RPS6KA5: variants seen among roughly 807,000 people sequenced by gnomAD.
RPS6KA5 encodes the protein ribosomal protein S6 kinase alpha-5.
RPS6KA5 carries 27 observed loss-of-function variants against 85.5 expected under a neutral mutation model. The ratio of observed to expected loss-of-function variants is 0.32; its 90% CI spans 0.23 to 0.44. The LOEUF (loss-of-function observed/expected upper bound fraction) is 0.44. Among genes scored for constraint, RPS6KA5 ranks in the 20% least tolerant of loss-of-function variants. RPS6KA5 has a pLI of 1.00. For synonymous variants in RPS6KA5, 334 were observed against 348.2 expected (o/e 0.96, Z 0.46); for missense variants, 811 against 980.9 (o/e 0.83, Z 2.31).
intron 1 of RPS6KA5, among the ~76,000 whole-genome samples, chr14:91,021,960 A>C (rs2041801063): frequency 6.6e-6 from 1 of 152,170 alleles, no homozygotes; most frequent in African/African-American, 2.4e-5. Context: ...CTACTGAGGT[A>C]CCTTGCCTTC....
rs573190690 is a variant in RPS6KA5, at chr14:91,059,616, T to C, written c.103+716A>G. Among the ~76,000 whole-genome samples the C allele has an allele frequency of 2.6e-5, 4 of 152,346 alleles. 1 individual carries two copies. The East Asian group carries it at 7.7e-4, about 29-fold the overall frequency. On this transcript the variant is annotated intron_variant, in intron 1 of 16. Transcript: ENST00000614987. Reference sequence around the variant, plus strand: ...AAAGCTTAGGACAACGCTAGTGATCTCAAACATTAGAACGTAAGCGCTGAA... The same window carrying C: ...AAAGCTTAGGACAACGCTAGTGATCCCAAACATTAGAACGTAAGCGCTGAA...
chr14:90,974,765 A>G (rs150085535), intron 3 of RPS6KA5, among the ~76,000 whole-genome samples: 300 of 152,352 alleles, frequency 2.0e-3, no homozygotes, highest in African/African-American at 6.6e-3. Context: ...CCAACTCTCC[A>G]TCTGAACACC....
Position 90,942,910 on chromosome 14 carries a change from C to T in RPS6KA5, c.618+168G>A, listed in dbSNP as rs111545665. Among the ~76,000 whole-genome samples, 734 of 152,218 alleles carry T rather than the reference C, an allele frequency of 4.8e-3. 7 individuals carry two copies. The highest frequency in any genetic ancestry group is 0.016 in the African/African-American group (681 of 41,540). ...AAGGTTTACCGCAATTTTAACAGGA[C>T]GGCTCCATACGAATTTTAAACTAAA... is the stretch of plus-strand genomic sequence containing the variant. On this transcript the variant is annotated intron_variant, in intron 5 of 16. Transcript: ENST00000614987.
chr14:90,871,326 C>A lies in RPS6KA5; in HGVS notation c.*748G>T, dbSNP rs2140132083. On this transcript the variant is annotated 3_prime_UTR_variant, in exon 17 of 17. Coordinates refer to ENST00000614987, the MANE Select transcript of RPS6KA5 (RefSeq NM_004755.4). ...TTTATTCATACTTTTTTATAAAGTG[C>A]AATATTACTTAAAACAGAGAGACAT... The A allele has an allele frequency of 6.6e-6, 1 of 152,516 alleles. No homozygotes were observed. The highest frequency in any genetic ancestry group is 3.4e-3 in the Middle Eastern group (1 of 294). The allele number at this position is 152,516 out of a possible 1,614,324, so 9.4% of individuals were successfully genotyped here. A position where few individuals can be genotyped will look rare whatever the true frequency, so the allele number is the denominator to read the frequency against.
intron 2 of RPS6KA5, among the ~76,000 whole-genome samples, chr14:90,981,152 C>A (rs143132103): frequency 6.6e-6 from 1 of 152,330 alleles, no homozygotes; most frequent in East Asian, 1.9e-4. Flanking sequence ...GCCTGGGCAA[C>A]AAGAGTGAAA....
At chr14:90,955,502 T>C (rs904916354) in intron 3 of RPS6KA5, among the ~76,000 whole-genome samples, 2 of 152,212 alleles carry the variant, frequency 1.3e-5, no homozygotes, top group African/African-American at 4.8e-5. Flanking sequence ...TCTTATTTCA[T>C]CTTTGACATA....
At chr14:90,942,501 C>T (rs1046531767) in intron 5 of RPS6KA5, among the ~76,000 whole-genome samples, 3 of 152,162 alleles carry the variant, frequency 2.0e-5, no homozygotes, top group African/African-American at 7.2e-5. Context: ...TCATTAAATG[C>T]ATTTGTAATA....
At chr14:90,962,320 T>C (rs78387117) in intron 3 of RPS6KA5, among the ~76,000 whole-genome samples, 1 of 151,458 alleles carries the variant, frequency 6.6e-6, no homozygotes, top group Non-Finnish European at 1.5e-5. Flanking sequence ...TTTTTTTTTT[T>C]TGAGACAGAG....
intron 1 of RPS6KA5, among the ~76,000 whole-genome samples, chr14:91,020,219 G>A (rs929862404): frequency 6.6e-5 from 10 of 151,212 alleles, no homozygotes; most frequent in Non-Finnish European, 1.0e-4. Context: ...GCATGTACAC[G>A]TGTGTGTGTA....
chr14:90,899,157 A>T (rs1243670595), intron 12 of RPS6KA5, among the ~76,000 whole-genome samples, 172 bp downstream of exon 12: 1 of 152,046 alleles, frequency 6.6e-6, no homozygotes, highest in Non-Finnish European at 1.5e-5. Context: ...GTTGGGAAAC[A>T]GTGTGTGGTT....
chr14:90,930,435 C>T (rs139508680), intron 5 of RPS6KA5, among the ~76,000 whole-genome samples: 3 of 152,120 alleles, frequency 2.0e-5, no homozygotes, highest in East Asian at 1.9e-4. Context: ...CTGTAAAAAT[C>T]CTGGAAGAAA....
chr14:90,942,955 G>T, intron 5 of RPS6KA5, 123 bp downstream of exon 5: 1 of 680,964 alleles, frequency 1.5e-6, no homozygotes, highest in Non-Finnish European at 2.6e-6. Flanking sequence ...ATTTTCCATG[G>T]ACAAATCTGC....
chr14:90,933,750 G>C (rs1048452472), intron 5 of RPS6KA5, among the ~76,000 whole-genome samples: 2 of 152,174 alleles, frequency 1.3e-5, no homozygotes, highest in African/African-American at 4.8e-5. Context: ...TCAATGCCCT[G>C]AGTAATCTGT....
chr14:90,920,120 A>G, intron 7 of RPS6KA5, 86 bp downstream of exon 7: 1 of 883,186 alleles, frequency 1.1e-6, no homozygotes. Flanking sequence ...ATTTTAAAAA[A>G]TTATCGTTTA....
In RPS6KA5 at chr14:90,857,755, T is replaced by C. The variant is rs1366862199; in HGVS notation, c.*14319A>G. ...ACTCCCAACCCCCACACAAGAAAAG[T>C]CTATTTTAATTACCACAAGTCCGAC... On this transcript the variant is annotated 3_prime_UTR_variant, in exon 17 of 17. Coordinates refer to ENST00000614987, the MANE Select transcript of RPS6KA5 (RefSeq NM_004755.4). 1.3e-5 allele frequency: 2 copies of C among 152,284 alleles called. No homozygotes were observed. The highest frequency in any genetic ancestry group is 1.3e-4 in the Admixed American group (2 of 15,298). 9.4% of individuals were successfully genotyped at this position (152,284 alleles called of 1,614,324 possible). A position where few individuals can be genotyped will look rare whatever the true frequency, so the allele number is the denominator to read the frequency against.
intron 1 of RPS6KA5, among the ~76,000 whole-genome samples, chr14:91,024,198 CTG>C (rs1423883630): frequency 6.6e-6 from 1 of 152,064 alleles, no homozygotes; most frequent in Non-Finnish European, 1.5e-5. Context: ...TGATACAATT[CTG>C]TCTTTTCCTT....
At position 90,922,470 on chromosome 14, in the gene RPS6KA5, C is replaced by T. The variant is rs1238689627; in HGVS notation, c.702+643G>A. ...ATAAGTAAGTAATTTTCTTTTGAGT[C>T]GTTGTCTCACTCTTGCTGCCCAGGC... On this transcript the variant is annotated intron_variant, in intron 6 of 16. Coordinates refer to ENST00000614987, the MANE Select transcript of RPS6KA5 (RefSeq NM_004755.4). 2.0e-5 allele frequency among the ~76,000 whole-genome samples: 3 copies of T among 152,122 alleles called. No homozygotes were observed. In the South Asian group the frequency reaches 6.2e-4, roughly 32 times the overall value.
At chr14:91,034,310 A>C (rs2042310276) in intron 1 of RPS6KA5, among the ~76,000 whole-genome samples, 1 of 151,560 alleles carries the variant, frequency 6.6e-6, no homozygotes, top group Non-Finnish European at 1.5e-5. Context: ...CTGTCTCAAA[A>C]AAAAAAAAAA....
chr14:91,013,653 T>C (rs1006801428), intron 1 of RPS6KA5, among the ~76,000 whole-genome samples: 5 of 152,182 alleles, frequency 3.3e-5, no homozygotes, highest in African/African-American at 1.2e-4. Flanking sequence ...TATGAAAAAG[T>C]AGTATTTTAT....
Sources: allele counts gnomAD v4.1 joint callset (sites outside exome capture counted in the v4.1 genomes callset), GRCh38; gene constraint gnomAD v4.1.1; transcripts MANE v1.5; gene names NCBI Gene and HGNC (gene_info 2026-07-23, HGNC 2026-07-21).